Variants in TSNARE1 observed in about 807,000 individuals in gnomAD.
The protein encoded by TSNARE1 is t-SNARE domain-containing protein 1.
TSNARE1 carries 49 observed loss-of-function variants against 62.0 expected under a neutral mutation model. That is an observed-to-expected ratio of 0.79 (90% CI 0.63 to 1.00). TSNARE1 has a LOEUF of 1.00. TSNARE1 is among the 50% of genes least tolerant of loss of function. The pLI is 0.00. For synonymous variants in TSNARE1, 328 were observed against 294.4 expected, an observed-to-expected ratio of 1.11 and a Z score of -1.17; for missense variants, 755 against 700.1, an observed-to-expected ratio of 1.08 and a Z score of -0.88.
intron 13 of TSNARE1, among the ~76,000 whole-genome samples, chr8:142,213,591 C>T (rs1815680481): frequency 6.6e-6 from 1 of 152,180 alleles, no homozygotes; most frequent in Non-Finnish European, 1.5e-5. Context: ...GGCAAACTCC[C>T]TGCGGCCAGG....
chr8:142,220,240 G>A (rs1426424160), intron 13 of TSNARE1, among the ~76,000 whole-genome samples: 1 of 152,196 alleles, frequency 6.6e-6, no homozygotes, highest in Non-Finnish European at 1.5e-5. Context: ...TAGCACGCAT[G>A]TCCCATTTCA....
intron 12 of TSNARE1, among the ~76,000 whole-genome samples, chr8:142,241,429 A>C (rs1315140487): frequency 6.6e-6 from 1 of 152,234 alleles, no homozygotes; most frequent in East Asian, 1.9e-4. Context: ...TATAATGCCT[A>C]TACTATGCAA....
intron 11 of TSNARE1, among the ~76,000 whole-genome samples, chr8:142,279,333 G>A (rs535763091): frequency 1.6e-3 from 249 of 152,330 alleles, no homozygotes; most frequent in African/African-American, 5.8e-3. Context: ...GACACCAGGC[G>A]GGAACGGCAG....
At chr8:142,359,578 G>T (rs1292464864) in intron 1 of TSNARE1, among the ~76,000 whole-genome samples, 1 of 152,186 alleles carries the variant, frequency 6.6e-6, no homozygotes, top group Non-Finnish European at 1.5e-5. Flanking sequence ...CCATGAGGAG[G>T]TTCTCTCATG....
At chr8:142,254,370 C>T (rs1442380891) in intron 12 of TSNARE1, among the ~76,000 whole-genome samples, 7 of 152,202 alleles carry the variant, frequency 4.6e-5, no homozygotes, top group Non-Finnish European at 7.3e-5. Flanking sequence ...GACATCCCAT[C>T]TACCAGCTCA....
intron 12 of TSNARE1, among the ~76,000 whole-genome samples, chr8:142,242,691 G>A (rs1055616997): frequency 1.3e-5 from 2 of 152,244 alleles, no homozygotes; most frequent in Non-Finnish European, 2.9e-5. Flanking sequence ...GCCGGGCACG[G>A]TGGTTCATGC....
intron 13 of TSNARE1, among the ~76,000 whole-genome samples, chr8:142,217,329 AAG>A (rs371978759): frequency 4.9e-5 from 3 of 61,390 alleles, no homozygotes; most frequent in African/African-American, 1.5e-4. Context: ...GAAAGAAAGA[AAG>A]AAAGAAAGAA....
chr8:142,392,122 C>G lies in TSNARE1; in HGVS notation c.-40+10982G>C, dbSNP rs547148552. Among the ~76,000 whole-genome samples, 28 of 152,306 alleles carry G rather than the reference C, an allele frequency of 1.8e-4. No individual in the cohort carries two copies. The East Asian group carries it at 2.5e-3, about 14-fold the overall frequency. ...TACTGCAACCTCCGTCTCCCAGGTT[C>G]AAGTGATTATCCTGCTTCAGCCTCC... On this transcript the variant is annotated intron_variant, in intron 1 of 13. Coordinates refer to ENST00000524325, the MANE Select transcript of TSNARE1 (RefSeq NM_145003.5).
At chr8:142,354,047 G>A (rs1289755863) in intron 2 of TSNARE1, among the ~76,000 whole-genome samples, 1 of 152,104 alleles carries the variant, frequency 6.6e-6, no homozygotes, top group East Asian at 1.9e-4. Flanking sequence ...TGCAGGCCAA[G>A]CTGACAGCAG....
At chr8:142,250,867 G>A (rs1368627053) in intron 12 of TSNARE1, among the ~76,000 whole-genome samples, 1 of 152,218 alleles carries the variant, frequency 6.6e-6, no homozygotes, top group African/African-American at 2.4e-5. Flanking sequence ...GACGGACGAG[G>A]GGCTAGCCTT....
At chr8:142,380,715 G>GT (rs1362819720) in intron 1 of TSNARE1, among the ~76,000 whole-genome samples, 2 of 152,152 alleles carry the variant, frequency 1.3e-5, no homozygotes, top group Non-Finnish European at 2.9e-5. Flanking sequence ...TAAAATACCC[G>GT]TAACGGAAAA....
chr8:142,260,470 C>T (rs1220211942), intron 12 of TSNARE1, among the ~76,000 whole-genome samples: 1 of 152,268 alleles, frequency 6.6e-6, no homozygotes, highest in East Asian at 1.9e-4. Flanking sequence ...CATAAACTGG[C>T]CGGGGCCCAC....
chr8:142,299,862 G>A (rs1825423267), intron 10 of TSNARE1, among the ~76,000 whole-genome samples: 1 of 152,242 alleles, frequency 6.6e-6, no homozygotes, highest in East Asian at 1.9e-4. Flanking sequence ...ATAGGCTAGA[G>A]ACACATTTGG....
At chr8:142,306,929 T>G (rs4454410) in intron 9 of TSNARE1, among the ~76,000 whole-genome samples, 1 of 151,956 alleles carries the variant, frequency 6.6e-6, no homozygotes, top group Non-Finnish European at 1.5e-5. Context: ...AGGACACTGG[T>G]CAGGACCCCC....
intron 4 of TSNARE1, among the ~76,000 whole-genome samples, chr8:142,337,779 T>C (rs1020228937): frequency 6.6e-6 from 1 of 152,206 alleles, no homozygotes; most frequent in African/African-American, 2.4e-5. Flanking sequence ...CATCACTACA[T>C]GCAGGACGCC....
intron 1 of TSNARE1, among the ~76,000 whole-genome samples, chr8:142,371,564 T>C (rs995688249): frequency 6.6e-6 from 1 of 152,202 alleles, no homozygotes; most frequent in African/African-American, 2.4e-5. Flanking sequence ...CACTCATTAA[T>C]CATGACAGCA....
chr8:142,393,428 C>T lies in TSNARE1; in HGVS notation c.-40+9676G>A, dbSNP rs965684139. Among the ~76,000 whole-genome samples the T allele has an allele frequency of 3.3e-5, 5 of 152,234 alleles. No individual in the cohort carries two copies. The South Asian group carries it at 8.3e-4, about 25-fold the overall frequency. On this transcript the variant is annotated intron_variant, in intron 1 of 13. Coordinates refer to ENST00000524325, the MANE Select transcript of TSNARE1 (RefSeq NM_145003.5). ...GAAACCTCTGGCATGGCGGCCGCGT[C>T]GGCCAATCCGCTGGCTGTGCTACTG...
rs1836592149 is a variant in TSNARE1, at chr8:142,379,657, G to A, written c.-40+23447C>T. Among the ~76,000 whole-genome samples the A allele has an allele frequency of 1.3e-5, 2 of 152,182 alleles. 1 individual carries two copies. The highest frequency in any genetic ancestry group is 4.1e-4 in the South Asian group (2 of 4,830). On this transcript the variant is annotated intron_variant, in intron 1 of 13. Coordinates refer to ENST00000524325, the MANE Select transcript of TSNARE1 (RefSeq NM_145003.5). The stretch of plus-strand genomic sequence containing the variant: ...CGGGGAGGCGCGAGACCACACAAAG[G>A]AGAAGAGAGACCCCACCAGACAGAC...
At chr8:142,402,997 C>A in intron 1 of TSNARE1, 107 bp downstream of exon 1, 1 of 149,474 alleles carries the variant, frequency 6.7e-6, no homozygotes, top group South Asian at 1.8e-4. Context: ...CACGCCACGC[C>A]GCGGCCCCCG....
Sources: allele counts gnomAD v4.1 joint callset (sites outside exome capture counted in the v4.1 genomes callset), GRCh38; gene constraint gnomAD v4.1.1; transcripts MANE v1.5; gene names NCBI Gene and HGNC (gene_info 2026-07-23, HGNC 2026-07-21).